The following RET variants were observed in gnomAD, a reference collection of about 807,000 sequenced individuals.
RET encodes the protein proto-oncogene tyrosine-protein kinase receptor Ret.
In RET, 19 loss-of-function variants were observed where a neutral mutation model predicts 118.3. That is an observed-to-expected ratio of 0.16 (90% CI 0.11 to 0.24). The LOEUF is 0.24. RET is among the 10% of genes least tolerant of loss of function. The pLI is 1.00. For synonymous variants in RET, 597 were observed against 644.1 expected, an observed-to-expected ratio of 0.93 and a Z score of 1.11; for missense variants, 1,219 against 1,502.1, an observed-to-expected ratio of 0.81 and a Z score of 3.12.
At position 43,118,994 on chromosome 10, in the gene RET, G is replaced by A. The variant is rs146294863; in HGVS notation, c.2392+514G>A. Among the ~76,000 whole-genome samples, 1,313 of 152,340 alleles carry A rather than the reference G, an allele frequency of 8.6e-3. 8 individuals carry two copies. Among genetic ancestry groups the A allele is most frequent in the Non-Finnish European group, 0.015 (1,002 of 68,010 alleles). On this transcript the variant is annotated intron_variant, in intron 13 of 19. Transcript: ENST00000355710. Reference sequence around the variant, plus strand: ...ATGCTGCTCAGGGGCTTCCCAGCATGCGTGTGTGGGTGTGTGCGAGAGGGA... The same window carrying A: ...ATGCTGCTCAGGGGCTTCCCAGCATACGTGTGTGGGTGTGTGCGAGAGGGA...
chr10:43,095,690 G>A (rs1293713421), intron 1 of RET, among the ~76,000 whole-genome samples: 1 of 152,204 alleles, frequency 6.6e-6, no homozygotes, highest in Non-Finnish European at 1.5e-5. Flanking sequence ...GGGGTCTTAG[G>A]TGGGCATGCC....
At chr10:43,104,792 G>A (rs1837720377) in intron 3 of RET, 160 bp from the exon 4 acceptor site, 2 of 1,119,318 alleles carry the variant, frequency 1.8e-6, no homozygotes, top group African/African-American at 1.6e-5. Context: ...CTGCAAACTC[G>A]TGCTCCGAGC....
chr10:43,112,766 C>T (rs1837969287), intron 8 of RET, 87 bp from the exon 9 acceptor site: 2 of 1,062,238 alleles, frequency 1.9e-6, no homozygotes, highest in East Asian at 2.5e-5. Flanking sequence ...TTGCTCCTCC[C>T]TAGAGGGGCA....
chr10:43,122,575 G>A (rs916528006), intron 16 of RET, among the ~76,000 whole-genome samples: 4 of 152,192 alleles, frequency 2.6e-5, no homozygotes, highest in Non-Finnish European at 4.4e-5. Flanking sequence ...CCTCTAAAGT[G>A]TTCTACAGTC....
chr10:43,094,302 G>T (rs1837473252), intron 1 of RET, among the ~76,000 whole-genome samples: 1 of 152,086 alleles, frequency 6.6e-6, no homozygotes, highest in South Asian at 2.1e-4. Context: ...GATTCTGCTG[G>T]GCCATAATAA....
In RET at chr10:43,128,226, T is replaced by C. The variant is rs769570496; in HGVS notation, c.3302T>C (p.Leu1101Pro). ...GATAGTGTATATGCTAACTGGATGC[T>C]TTCACCCTCAGCGGCAAAATTAATG... is the stretch of plus-strand genomic sequence containing the variant. ...PNDSVYANWM[L>P]SPSAAKLMDT... The change falls in exon 20 of 20, where the codon CTT (leucine) becomes CCT (proline). Residue 1101 changes from leucine (L) to proline (P), a missense_variant. Coordinates refer to ENST00000355710, the MANE Select transcript of RET (RefSeq NM_020975.6). 1.2e-6 allele frequency: 2 copies of C among 1,614,220 alleles called. No individual in the cohort carries two copies. The highest frequency in any genetic ancestry group is 1.1e-5 in the South Asian group (1 of 91,086).
chr10:43,111,881 C>G (rs1249332964), intron 7 of RET, among the ~76,000 whole-genome samples: 3 of 152,234 alleles, frequency 2.0e-5, no homozygotes, highest in Non-Finnish European at 2.9e-5. Flanking sequence ...TGTACTTACC[C>G]CAGCCCAGGT....
At chr10:43,081,504 G>A (rs1177372128) in intron 1 of RET, among the ~76,000 whole-genome samples, 1 of 152,160 alleles carries the variant, frequency 6.6e-6, no homozygotes, top group Non-Finnish European at 1.5e-5. Flanking sequence ...GGACTGGGCA[G>A]TGACCACCAG....
intron 1 of RET, among the ~76,000 whole-genome samples, chr10:43,077,728 C>T (rs1057022623): frequency 2.3e-4 from 35 of 152,232 alleles, no homozygotes; most frequent in African/African-American, 7.2e-4. Context: ...GCCCGCGATT[C>T]GTGCGGAGAG....
rs906263568 is a variant in RET at position 43,130,062 on chromosome 10, C to T, written c.*1793C>T. On this transcript the variant is annotated 3_prime_UTR_variant, in exon 20 of 20. Coordinates refer to ENST00000355710, the MANE Select transcript of RET (RefSeq NM_020975.6). ...AGAACTCCAGGTCTAAACAGCTGAC[C>T]CAGTGATGGGGAATTTATCCTTGAC... 4 of 398,474 alleles carry T rather than the reference C, an allele frequency of 1.0e-5. No homozygotes were observed. Among genetic ancestry groups the T allele is most frequent in the African/African-American group, 8.2e-5 (4 of 48,614 alleles). 24.7% of individuals were successfully genotyped at this position (398,474 alleles called of 1,614,324 possible).
intron 2 of RET, among the ~76,000 whole-genome samples, chr10:43,101,375 G>A (rs145864887): frequency 7.0e-4 from 106 of 152,378 alleles, no homozygotes; most frequent in Middle Eastern, 3.4e-3. Flanking sequence ...GTCTGCTGGT[G>A]AGAGGCAAGC....
chr10:43,087,376 C>T (rs1167502362), intron 1 of RET, among the ~76,000 whole-genome samples: 2 of 152,156 alleles, frequency 1.3e-5, no homozygotes, highest in Non-Finnish European at 2.9e-5. Flanking sequence ...GTACTGAGGC[C>T]GCACTGCCAT....
Position 43,113,642 on chromosome 10 carries a change from G to A in RET, c.1846G>A (p.Glu616Lys), listed in dbSNP as rs1393753095. Residue 616 changes from glutamate to lysine, a missense_variant, in exon 10 of 20, where the codon GAG becomes AAG. Around this residue, in one of 5 missense-constraint regions of RET, gnomAD observed 850 missense variants for 969.6 expected, o/e 0.88. Coordinates refer to ENST00000355710, the MANE Select transcript of RET (RefSeq NM_020975.6). ...YGTCNCFPEE[E>K]KCFCEPEDIQ... ...CACCTGCAACTGCTTCCCTGAGGAGGAGAAGTGCTTCTGCGAGCCCGAAGA... is the reference window on the plus strand; with the variant it reads ...CACCTGCAACTGCTTCCCTGAGGAGAAGAAGTGCTTCTGCGAGCCCGAAGA... The A allele has an allele frequency of 1.2e-6, 2 of 1,613,504 alleles. No individual in the cohort carries two copies. Among genetic ancestry groups the A allele is most frequent in the East Asian group, 2.2e-5 (1 of 44,870 alleles).
At chr10:43,094,885 TGAGA>T (rs1395309697) in intron 1 of RET, among the ~76,000 whole-genome samples, 1 of 152,190 alleles carries the variant, frequency 6.6e-6, no homozygotes, top group East Asian at 1.9e-4. Context: ...GGTATGCGTC[TGAGA>T]GAATGAGTGT....
chr10:43,107,559 TCACACACACACACACACACACA>T (rs59876947), intron 5 of RET, among the ~76,000 whole-genome samples: 17 of 140,732 alleles, frequency 1.2e-4, no homozygotes, highest in African/African-American at 4.5e-4. Flanking sequence ...CCCCCATGCC[TCACACACACACACACACACACA>T]CACACACACA....
intron 1 of RET, among the ~76,000 whole-genome samples, chr10:43,091,976 C>T (rs1837421431): frequency 6.6e-6 from 1 of 152,158 alleles, no homozygotes; most frequent in Admixed American, 6.5e-5. Context: ...GGCTCCAGCA[C>T]CTCCACTCTG....
intron 1 of RET, among the ~76,000 whole-genome samples, chr10:43,087,533 C>CT (rs1418318140): frequency 2.0e-5 from 3 of 152,190 alleles, no homozygotes; most frequent in African/African-American, 4.8e-5. Flanking sequence ...ACCCAGTGAA[C>CT]TAAGAATGGG....
intron 1 of RET, among the ~76,000 whole-genome samples, chr10:43,089,553 A>G (rs577361958): frequency 6.6e-6 from 1 of 152,334 alleles, no homozygotes; most frequent in Admixed American, 6.5e-5. Flanking sequence ...TAGGAAGTGC[A>G]TGTCCGTTCT....
intron 1 of RET, among the ~76,000 whole-genome samples, chr10:43,081,567 GC>G (rs1440660673): frequency 1.3e-5 from 2 of 152,188 alleles, no homozygotes; most frequent in African/African-American, 4.8e-5. Context: ...TGGCACCAGG[GC>G]TGTCTCTCCG....
Sources: allele counts gnomAD v4.1 joint callset (sites outside exome capture counted in the v4.1 genomes callset), GRCh38; gene constraint gnomAD v4.1.1; regional missense constraint gnomAD v4.1.1; transcripts MANE v1.5; gene names NCBI Gene and HGNC (gene_info 2026-07-23, HGNC 2026-07-21).